Variants in FBXL18 observed in about 807,000 individuals in gnomAD.
The protein encoded by FBXL18 is F-box and leucine rich repeat protein 18, also known as F-box/LRR-repeat protein 18.
FBXL18 carries 36 observed loss-of-function variants against 46.0 expected under a neutral mutation model. The ratio of observed to expected loss-of-function variants is 0.78; its 90% CI spans 0.60 to 1.03. The LOEUF (loss-of-function observed/expected upper bound fraction) is 1.03. Ranked by LOEUF, FBXL18 falls within the 50% of genes least tolerant of loss-of-function variation. The pLI is 0.00. For synonymous variants in FBXL18, 557 were observed against 465.3 expected (o/e 1.20, Z -2.54); for missense variants, 977 against 1,004.1 (o/e 0.97, Z 0.36).
chr7:5,498,382 G>A (rs879288076), intron 3 of FBXL18, among the ~76,000 whole-genome samples: 3 of 152,030 alleles, frequency 2.0e-5, no homozygotes, highest in Admixed American at 6.5e-5. Context: ...CACGGCGCCC[G>A]GCCGAGGCCA....
At chr7:5,509,050 G>A (rs951450349) in intron 1 of FBXL18, among the ~76,000 whole-genome samples, 3 of 151,772 alleles carry the variant, frequency 2.0e-5, no homozygotes, top group African/African-American at 7.3e-5. Context: ...AAACTTAGCC[G>A]GGTGTGGTGG....
chr7:5,501,179 G>A lies in FBXL18; in HGVS notation c.1090C>T (p.Arg364Cys), dbSNP rs376064015. 39 of 1,613,196 alleles carry A rather than the reference G, an allele frequency of 2.4e-5. No individual in the cohort carries two copies. The highest frequency in any genetic ancestry group is 1.5e-5 in the Non-Finnish European group (18 of 1,179,744). The change falls in exon 3 of 5, where the codon CGC becomes TGC. Residue 364 changes from arginine (R) to cysteine (C), a missense_variant. Physicochemically the swap from Arg to Cys is radical, Grantham distance 180. Transcript: ENST00000382368. ...VHCLSPDSLL[R>C]KAEDDIDSSI... ...CTGTCGATGTCGTCCTCCGCCTTGC[G>A]GAGCAGCGAGTCTGGGGACAGGCAG...
chr7:5,496,252 C>T lies in FBXL18; in HGVS notation c.1781+4236G>A, dbSNP rs1241812821. On this transcript the variant is annotated intron_variant, in intron 3 of 4. Coordinates refer to ENST00000382368, the MANE Select transcript of FBXL18 (RefSeq NM_024963.6). This position sits in a 1 kb window ranked among gnomAD's most constrained non-coding sequence, Gnocchi z 4.8. ...ATCAAAGGGGTCAAGACCTGTACAC[C>T]CATGAAAAGCACCTGGCAGAGGTCA... 6.6e-6 allele frequency among the ~76,000 whole-genome samples: 1 copy of T among 152,166 alleles called. No individual in the cohort carries two copies. Among genetic ancestry groups the T allele is most frequent in the African/African-American group, 2.4e-5 (1 of 41,434 alleles).
chr7:5,474,503 A>G (rs1260272340), downstream of FBXL18, among the ~76,000 whole-genome samples: 1 of 151,488 alleles, frequency 6.6e-6, no homozygotes, highest in African/African-American at 2.4e-5. Flanking sequence ...TTTTGTAGAG[A>G]CAAGGTCTGA....
rs1402508629 is a variant in FBXL18 at position 5,500,527 on chromosome 7, G to A, written c.1742C>T (p.Ser581Leu). 2 of 1,612,294 alleles carry A rather than the reference G, an allele frequency of 1.2e-6. No homozygotes were observed. Among genetic ancestry groups the A allele is most frequent in the African/African-American group, 2.7e-5 (2 of 74,918 alleles). Reference protein sequence around the residue: ...MGKVVYMPALSDMLKHCKRLR... With the variant: ...MGKVVYMPALLDMLKHCKRLR... Reference sequence around the variant, plus strand: ...CCGCTTGCAGTGCTTCAACATGTCTGAGAGCGCGGGCATGTACACCACCTT... The same window carrying A: ...CCGCTTGCAGTGCTTCAACATGTCTAAGAGCGCGGGCATGTACACCACCTT... Residue 581 changes from serine to leucine, a missense_variant, in exon 3 of 5, where the codon TCA becomes TTA. Physicochemically the swap from Ser to Leu is moderately radical, Grantham distance 145. Transcript: ENST00000382368.
intron 4 of FBXL18, among the ~76,000 whole-genome samples, chr7:5,470,429 C>T (rs977774604): frequency 3.9e-5 from 6 of 152,160 alleles, no homozygotes; most frequent in African/African-American, 1.2e-4. Flanking sequence ...ATCAGAGTTC[C>T]CAAGACACCC....
intron 4 of FBXL18, among the ~76,000 whole-genome samples, chr7:5,486,067 AAATAAAT>A (rs1562687944): frequency 2.2e-3 from 40 of 17,952 alleles, no homozygotes; most frequent in South Asian, 0.011. Context: ...TCAAAAAAAT[AAATAAAT>A]AAATAAATAA....
intron 4 of FBXL18, among the ~76,000 whole-genome samples, chr7:5,483,169 A>G (rs1026617890): frequency 2.0e-5 from 3 of 152,140 alleles, no homozygotes; most frequent in African/African-American, 7.2e-5. Context: ...GGACGGGCGC[A>G]GTGACTCACA....
intron 4 of FBXL18, among the ~76,000 whole-genome samples, chr7:5,468,190 A>C (rs555010080): frequency 9.9e-5 from 15 of 152,200 alleles, no homozygotes; most frequent in African/African-American, 3.6e-4. Flanking sequence ...TCACCGTGTT[A>C]GCCAGGATGG....
chr7:5,486,067 AAATAAATAAATAAAT>A (rs1783767277), intron 4 of FBXL18, among the ~76,000 whole-genome samples: 1 of 17,942 alleles, frequency 5.6e-5, no homozygotes, highest in South Asian at 1.8e-3. Context: ...TCAAAAAAAT[AAATAAATAAATAAAT>A]AAATAAATAA....
At chr7:5,490,313 C>G (rs952913487) in intron 4 of FBXL18, 22 of 1,154,006 alleles carry the variant, frequency 1.9e-5, no homozygotes, top group Middle Eastern at 3.8e-4. Context: ...GTCAGCCCGT[C>G]CTCCTGAGAG....
At chr7:5,498,170 A>G (rs903976582) in intron 3 of FBXL18, among the ~76,000 whole-genome samples, 3 of 147,376 alleles carry the variant, frequency 2.0e-5, no homozygotes, top group Non-Finnish European at 4.5e-5. Context: ...TCACTGCAAG[A>G]TCCGCCTCCC....
chr7:5,500,066 A>AAAAT (rs1437522176), intron 3 of FBXL18, among the ~76,000 whole-genome samples: 3 of 139,944 alleles, frequency 2.1e-5, no homozygotes, highest in South Asian at 4.7e-4. Flanking sequence ...CCCTGTCTCA[A>AAAAT]AAATAAATAA....
intron 1 of FBXL18, among the ~76,000 whole-genome samples, chr7:5,508,132 G>C (rs1304908489): frequency 1.3e-5 from 2 of 152,032 alleles, no homozygotes; most frequent in Non-Finnish European, 2.9e-5. Context: ...CAGGCGTGGT[G>C]GCATATGCCT....
chr7:5,495,201 T>G (rs1028209738), intron 3 of FBXL18, among the ~76,000 whole-genome samples: 1 of 152,142 alleles, frequency 6.6e-6, no homozygotes, highest in African/African-American at 2.4e-5. Flanking sequence ...CTGGGTCTCC[T>G]GGTGACTCTG....
At chr7:5,460,992 A>G (rs538855257) in intron 4 of FBXL18, among the ~76,000 whole-genome samples, 18 of 152,328 alleles carry the variant, frequency 1.2e-4, no homozygotes, top group African/African-American at 3.8e-4. Flanking sequence ...TGTTCAAAGA[A>G]AATCTTTTCC....
At chr7:5,506,505 T>C (rs1050071389) in intron 1 of FBXL18, among the ~76,000 whole-genome samples, 2 of 146,950 alleles carry the variant, frequency 1.4e-5, no homozygotes, top group African/African-American at 2.5e-5. Flanking sequence ...TTCATCCGCC[T>C]CAGTCTCCCA....
chr7:5,482,863 T>A (rs1783683543), intron 4 of FBXL18, among the ~76,000 whole-genome samples: 1 of 150,706 alleles, frequency 6.6e-6, no homozygotes, highest in South Asian at 2.1e-4. Context: ...TAGGGAGACT[T>A]TGTCTCTATA....
intron 4 of FBXL18, among the ~76,000 whole-genome samples, chr7:5,464,465 GC>G (rs774325762): frequency 7.9e-5 from 12 of 151,778 alleles, no homozygotes; most frequent in Non-Finnish European, 1.6e-4. Flanking sequence ...AGGAGACAGA[GC>G]AAGACTCCAT....
Sources: allele counts gnomAD v4.1 joint callset (sites outside exome capture counted in the v4.1 genomes callset), GRCh38; gene constraint gnomAD v4.1.1; non-coding constraint Gnocchi (gnomAD v3.1); transcripts MANE v1.5; gene names NCBI Gene and HGNC (gene_info 2026-07-23, HGNC 2026-07-21).